DLGAP4: variants seen among roughly 807,000 people sequenced by gnomAD.
The protein encoded by DLGAP4 is disks large-associated protein 4.
DLGAP4 carries 18 observed loss-of-function variants against 86.9 expected under a neutral mutation model. The observed-to-expected ratio is 0.21, with a 90% confidence interval of 0.14 to 0.31. DLGAP4 has a LOEUF of 0.31. DLGAP4 is among the 10% of genes least tolerant of loss of function. The pLI, the probability that DLGAP4 is intolerant of heterozygous loss-of-function variation, is 1.00. For missense variants in DLGAP4, 1,085 were observed against 1,362.6 expected, an observed-to-expected ratio of 0.80 and a Z score of 3.21; for synonymous variants, 548 against 574.3, an observed-to-expected ratio of 0.95 and a Z score of 0.65.
At position 36,308,851 on chromosome 20, in the gene DLGAP4, C is replaced by T. The variant is rs1291684790; in HGVS notation, c.-304+2339C>T. Among the ~76,000 whole-genome samples, 1 of 152,120 alleles carries T rather than the reference C, an allele frequency of 6.6e-6. No individual in the cohort carries two copies. The highest frequency in any genetic ancestry group is 1.5e-5 in the Non-Finnish European group (1 of 68,024). The stretch of plus-strand genomic sequence containing the variant: ...ATTTGAACACTTTCATTTAAACATT[C>T]TGAAATGTGAATTAATAAAATCTTG... On this transcript the variant is annotated intron_variant, in intron 1 of 12. Coordinates refer to ENST00000339266, the MANE Select transcript of DLGAP4 (RefSeq NM_001365621.2). The surrounding 1 kb of genome is among the most constrained non-coding windows in gnomAD (Gnocchi z 4.5).
At chr20:36,363,927 G>A (rs921433870) in intron 1 of DLGAP4, among the ~76,000 whole-genome samples, 3 of 152,190 alleles carry the variant, frequency 2.0e-5, no homozygotes, top group South Asian at 2.1e-4. Context: ...AGGAGAAGCC[G>A]AGGGAGCTCT....
intron 2 of DLGAP4, among the ~76,000 whole-genome samples, chr20:36,414,575 G>A (rs983343313): frequency 3.3e-5 from 5 of 152,248 alleles, no homozygotes; most frequent in Non-Finnish European, 5.9e-5. Flanking sequence ...TCCACCTGCT[G>A]TGTGACCTTG....
chr20:36,446,674 C>T (rs1284845364), intron 6 of DLGAP4, 23 bp from the exon 7 acceptor site: 1 of 1,580,720 alleles, frequency 6.3e-7, no homozygotes, highest in African/African-American at 1.3e-5. Flanking sequence ...CCAGCTCCCT[C>T]ATGCCTGCCT....
intron 2 of DLGAP4, among the ~76,000 whole-genome samples, chr20:36,415,225 A>C (rs547524130): frequency 1.3e-5 from 2 of 152,364 alleles, no homozygotes; most frequent in South Asian, 4.1e-4. Context: ...AGGTTGTGCC[A>C]CTGCACTCCA....
At chr20:36,475,383 G>T (rs1042782934) in intron 7 of DLGAP4, among the ~76,000 whole-genome samples, 1 of 151,884 alleles carries the variant, frequency 6.6e-6, no homozygotes, top group African/African-American at 2.4e-5. Context: ...GCTAATTTTT[G>T]TATTTTTAGT....
At chr20:36,328,925 G>T (rs780780167) in intron 1 of DLGAP4, among the ~76,000 whole-genome samples, 1 of 152,102 alleles carries the variant, frequency 6.6e-6, no homozygotes, top group Non-Finnish European at 1.5e-5. Context: ...ACAGGCATGC[G>T]CCACCATACC....
rs143891952 is a variant in DLGAP4 at position 36,521,134 on chromosome 20, T to C, written c.2513-3116T>C. Reference sequence around the variant, plus strand: ...CACATCTGGCTATTTTTTGTATTTTTAGTAGAGACGGAGTTTTGCCATGTT... The same window carrying C: ...CACATCTGGCTATTTTTTGTATTTTCAGTAGAGACGGAGTTTTGCCATGTT... On this transcript the variant is annotated intron_variant, in intron 10 of 12. Transcript: ENST00000339266. Among the ~76,000 whole-genome samples, 8 of 152,304 alleles carry C rather than the reference T, an allele frequency of 5.3e-5. No individual in the cohort carries two copies. In the East Asian group the frequency reaches 1.4e-3, roughly 26 times the overall value.
At chr20:36,458,029 T>G (rs2033924929) in intron 7 of DLGAP4, among the ~76,000 whole-genome samples, 2 of 151,862 alleles carry the variant, frequency 1.3e-5, no homozygotes, top group Admixed American at 1.3e-4. Flanking sequence ...AGGAGGTGCC[T>G]GACAGGCTGG....
intron 7 of DLGAP4, among the ~76,000 whole-genome samples, chr20:36,450,355 A>G (rs550531462): frequency 4.5e-4 from 69 of 152,288 alleles, no homozygotes; most frequent in African/African-American, 1.6e-3. Flanking sequence ...AAAATTAGCC[A>G]GGCGTGGTGG....
intron 6 of DLGAP4, among the ~76,000 whole-genome samples, chr20:36,444,847 C>T (rs2033549013): frequency 6.6e-6 from 1 of 151,774 alleles, no homozygotes; most frequent in Non-Finnish European, 1.5e-5. Flanking sequence ...TCCATGTTGG[C>T]CAGGCTGGTC....
chr20:36,476,706 T>TTTTTTTTTTTTTTTTTTTTTTTTTTTG (rs2034953246), intron 7 of DLGAP4, among the ~76,000 whole-genome samples: 1 of 100,704 alleles, frequency 9.9e-6, no homozygotes, highest in African/African-American at 5.8e-5. Context: ...TTTTTTTTGG[T>TTTTTTTTTTTTTTTTTTTTTTTTTTTG]TTTTTTTTTT....
In DLGAP4 at chr20:36,525,958, C is replaced by A; in HGVS notation, c.2712C>A (p.His904Gln). Residue 904 changes from histidine (H) to glutamine (Q), a missense_variant, in exon 12 of 13, where the codon CAC becomes CAA. His to Gln is a conservative substitution (Grantham distance 24, BLOSUM62 0). Transcript: ENST00000339266. Reference protein sequence around the residue: ...DISMKFDELYHLKANSWQLVE... With the variant: ...DISMKFDELYQLKANSWQLVE... ...GCATGAAGTTCGATGAACTCTACCA[C>A]CTCAAGGCCAACAGCTGGCAGCTGG... 6.2e-7 allele frequency: 1 copy of A among 1,613,942 alleles called. No homozygotes were observed. Among genetic ancestry groups the A allele is most frequent in the Non-Finnish European group, 8.5e-7 (1 of 1,179,976 alleles).
At position 36,308,589 on chromosome 20, in the gene DLGAP4, C is replaced by T. The variant is rs1023551260; in HGVS notation, c.-304+2077C>T. Among the ~76,000 whole-genome samples the T allele has an allele frequency of 4.8e-4, 73 of 152,282 alleles. 1 individual carries two copies. Among genetic ancestry groups the T allele is most frequent in the African/African-American group, 1.7e-3 (72 of 41,548 alleles). The stretch of plus-strand genomic sequence containing the variant: ...TGTGTGCTTTGGAGCTTTCGGGAGA[C>T]GCTGACGTATCGGATGTATCGGGGC... On this transcript the variant is annotated intron_variant, in intron 1 of 12. Transcript: ENST00000339266. This position sits in a 1 kb window ranked among gnomAD's most constrained non-coding sequence, Gnocchi z 4.5.
At chr20:36,316,472 T>A (rs932025319) in intron 1 of DLGAP4, among the ~76,000 whole-genome samples, 2 of 152,114 alleles carry the variant, frequency 1.3e-5, no homozygotes, top group Non-Finnish European at 2.9e-5. Flanking sequence ...TCTGATTTGT[T>A]ACTTATGGCT....
intron 2 of DLGAP4, among the ~76,000 whole-genome samples, chr20:36,423,159 G>A (rs1156336662): frequency 2.0e-5 from 3 of 152,156 alleles, no homozygotes; most frequent in Non-Finnish European, 4.4e-5. Flanking sequence ...TAAATAGCAG[G>A]TTTAGAATTT....
At chr20:36,359,994 C>T (rs1207735449) in intron 1 of DLGAP4, among the ~76,000 whole-genome samples, 2 of 152,110 alleles carry the variant, frequency 1.3e-5, no homozygotes, top group African/African-American at 4.8e-5. Flanking sequence ...GGCATGCGTC[C>T]TCTCTGCATA....
chr20:36,344,481 C>T (rs758523592), intron 1 of DLGAP4, among the ~76,000 whole-genome samples: 2 of 152,174 alleles, frequency 1.3e-5, no homozygotes, highest in Admixed American at 6.5e-5. Context: ...ACTACAGACC[C>T]GTGAGGTCAG....
At chr20:36,388,489 C>T (rs1050941370) in intron 2 of DLGAP4, among the ~76,000 whole-genome samples, 1 of 152,180 alleles carries the variant, frequency 6.6e-6, no homozygotes, top group Admixed American at 6.5e-5. Flanking sequence ...TTCCCCTCCA[C>T]CTCAACTCTT....
chr20:36,506,422 TTGAACA>T (rs927552346), intron 10 of DLGAP4, among the ~76,000 whole-genome samples: 2 of 152,192 alleles, frequency 1.3e-5, no homozygotes, highest in Non-Finnish European at 2.9e-5. Flanking sequence ...ACTCCTGCAG[TTGAACA>T]TGAACTCTAG....
Sources: gnomAD v4.1 joint callset for allele counts (sites outside exome capture counted in the v4.1 genomes callset) on GRCh38, gnomAD v4.1.1 for gene constraint, Gnocchi (gnomAD v3.1) non-coding constraint, MANE v1.5 for transcripts, NCBI Gene and HGNC (gene_info 2026-07-23, HGNC 2026-07-21) for gene names.